The following DPP6 variants were observed in gnomAD, a reference collection of about 807,000 sequenced individuals.
DPP6 encodes A-type potassium channel modulatory protein DPP6.
DPP6 carries 69 observed loss-of-function variants against 122.6 expected under a neutral mutation model. The ratio of observed to expected loss-of-function variants is 0.56; its 90% confidence interval spans 0.46 to 0.69. The LOEUF (loss-of-function observed/expected upper bound fraction) is 0.69. Ranked by LOEUF, DPP6 falls within the 30% of genes least tolerant of loss-of-function variation. The pLI is 0.00. For synonymous variants in DPP6, 418 were observed against 433.1 expected, an observed-to-expected ratio of 0.97 and a Z score of 0.43; for missense variants, 928 against 1,116.9, an observed-to-expected ratio of 0.83 and a Z score of 2.41.
intron 20 of DPP6, among the ~76,000 whole-genome samples, chr7:154,880,233 C>T (rs149817998): frequency 6.6e-6 from 1 of 152,290 alleles, no homozygotes; most frequent in African/African-American, 2.4e-5. Context: ...GACCACAATG[C>T]GGGGCAAGGT....
intron 3 of DPP6, among the ~76,000 whole-genome samples, chr7:154,499,500 C>T (rs758298775): frequency 6.6e-5 from 10 of 152,242 alleles, no homozygotes; most frequent in Admixed American, 2.6e-4. Context: ...GATGGAGCAG[C>T]GTTAATTGGC....
intron 1 of DPP6, among the ~76,000 whole-genome samples, chr7:154,182,517 T>C (rs57411666): frequency 0.016 from 2,398 of 152,226 alleles, 46 homozygotes; most frequent in African/African-American, 0.056. Flanking sequence ...ACCCAGTTCC[T>C]TCTGGCCATA....
intron 5 of DPP6, among the ~76,000 whole-genome samples, chr7:154,633,351 C>A (rs1159226458): frequency 6.6e-6 from 1 of 152,176 alleles, no homozygotes; most frequent in East Asian, 1.9e-4. Flanking sequence ...ATTCTTCCAC[C>A]TCAGCCTCCG....
chr7:154,349,167 T>G (rs1248601084), intron 1 of DPP6, among the ~76,000 whole-genome samples: 1 of 152,134 alleles, frequency 6.6e-6, no homozygotes, highest in Admixed American at 6.5e-5. Flanking sequence ...TGTTGTTGTT[T>G]GTTGTTGTTG....
intron 8 of DPP6, among the ~76,000 whole-genome samples, chr7:154,735,953 C>G (rs10251330): frequency 6.6e-6 from 1 of 152,298 alleles, no homozygotes; most frequent in South Asian, 2.1e-4. Flanking sequence ...CCCACCAGAC[C>G]CTCCCCTGCC....
At chr7:154,587,974 C>T in intron 5 of DPP6, 2 of 1,612,146 alleles carry the variant, frequency 1.2e-6, no homozygotes, top group Non-Finnish European at 1.7e-6. Context: ...CCTCAGGCAG[C>T]ACTGTCCATT....
chr7:153,957,164 G>T (rs1452324152), intron 1 of DPP6, among the ~76,000 whole-genome samples: 1 of 152,154 alleles, frequency 6.6e-6, no homozygotes. Flanking sequence ...ATAACCTCAG[G>T]GTAAGAGGGA....
Position 153,932,535 on chromosome 7 carries a change from G to A in DPP6, c.51+44801G>A, listed in dbSNP as rs532152161. ...GAACAAATGCTAAGAAGTAGCAACA[G>A]CCAAAGGACAAGAGCTGTATTGTCT... On this transcript the variant is annotated intron_variant, in intron 1 of 25. Coordinates refer to the DPP6 transcript ENST00000404039. 2.0e-5 allele frequency among the ~76,000 whole-genome samples: 3 copies of A among 152,240 alleles called. No individual in the cohort carries two copies. In the South Asian group the frequency reaches 6.2e-4, roughly 32 times the overall value.
chr7:153,944,215 T>A (rs1479638657), intron 1 of DPP6, among the ~76,000 whole-genome samples: 1 of 152,228 alleles, frequency 6.6e-6, no homozygotes, highest in Non-Finnish European at 1.5e-5. Context: ...GCAACCAGTG[T>A]GTGCTCCGGC....
chr7:154,128,432 C>T (rs567826194), intron 1 of DPP6, among the ~76,000 whole-genome samples: 34 of 152,298 alleles, frequency 2.2e-4, no homozygotes, highest in South Asian at 6.2e-4. Context: ...GACGGAGTCT[C>T]GCCCTATCAC....
intron 1 of DPP6, among the ~76,000 whole-genome samples, chr7:154,285,259 T>TTTG (rs542703917): frequency 2.4e-3 from 364 of 152,158 alleles, no homozygotes; most frequent in Non-Finnish European, 4.1e-3. Context: ...ATCATACTAG[T>TTTG]TTGTTGTTGT....
At chr7:154,443,918 C>A (rs73726874) in intron 1 of DPP6, among the ~76,000 whole-genome samples, 28,861 of 151,764 alleles carry the variant, frequency 0.19, 3,892 homozygotes, top group African/African-American at 0.38. Context: ...GCACTACTGA[C>A]ACTCAGTGTG....
intron 5 of DPP6, among the ~76,000 whole-genome samples, chr7:154,619,662 A>T (rs1205700792): frequency 6.6e-6 from 1 of 152,230 alleles, no homozygotes; most frequent in Non-Finnish European, 1.5e-5. Context: ...AGCCCACAGC[A>T]CCAAGGTTAA....
intron 5 of DPP6, among the ~76,000 whole-genome samples, chr7:154,574,558 ATGTGTATAAGTGTGTGGTG>A (rs1304484676): frequency 5.8e-5 from 5 of 86,078 alleles, no homozygotes; most frequent in African/African-American, 1.9e-4. Context: ...TGTGTGTGGT[ATGTGTATAAGTGTGTGGTG>A]TGTGTGTATG....
intron 1 of DPP6, among the ~76,000 whole-genome samples, chr7:153,927,245 C>T (rs992875650): frequency 1.3e-5 from 2 of 152,142 alleles, no homozygotes; most frequent in Non-Finnish European, 2.9e-5. Flanking sequence ...TGCCGGAGTT[C>T]GAGTCTGCAG....
intron 3 of DPP6, among the ~76,000 whole-genome samples, chr7:154,537,181 C>CA (rs1489536311): frequency 6.6e-6 from 1 of 151,764 alleles, no homozygotes; most frequent in South Asian, 2.1e-4. Context: ...ATGGGATGTA[C>CA]AAAAAATCTC....
intron 3 of DPP6, among the ~76,000 whole-genome samples, chr7:154,527,171 G>T (rs578063793): frequency 1.3e-5 from 2 of 152,292 alleles, no homozygotes; most frequent in South Asian, 2.1e-4. Context: ...TTAAGTTCAA[G>T]AACTTATGCA....
At chr7:154,072,301 G>A (rs1374009266) in intron 1 of DPP6, among the ~76,000 whole-genome samples, 2 of 152,156 alleles carry the variant, frequency 1.3e-5, no homozygotes, top group Non-Finnish European at 2.9e-5. Flanking sequence ...GCTTATCCAT[G>A]GTGTTAGTTT....
chr7:154,273,154 A>T (rs1291999158), intron 1 of DPP6, among the ~76,000 whole-genome samples: 1 of 152,174 alleles, frequency 6.6e-6, no homozygotes, highest in Non-Finnish European at 1.5e-5. Context: ...TGTCCCCAGG[A>T]ATTGATTTGA....
Sources: gnomAD v4.1 joint callset for allele counts (sites outside exome capture counted in the v4.1 genomes callset) on GRCh38, gnomAD v4.1.1 for gene constraint, MANE v1.5 for transcripts, NCBI Gene and HGNC (gene_info 2026-07-23, HGNC 2026-07-21) for gene names.